Variants in BEND5 observed in about 807,000 individuals in gnomAD.
BEND5 encodes BEN domain-containing protein 5.
In BEND5, 22 loss-of-function variants were observed where a neutral mutation model predicts 43.9. That is an observed-to-expected ratio of 0.50 (90% CI 0.36 to 0.72). BEND5 has a LOEUF of 0.72. Ranked by LOEUF, BEND5 falls within the 30% of genes least tolerant of loss-of-function variation. The pLI is 0.00. For missense variants in BEND5, 428 were observed against 550.6 expected, an observed-to-expected ratio of 0.78 and a Z score of 2.23; for synonymous variants, 228 against 225.9, an observed-to-expected ratio of 1.01 and a Z score of -0.08.
At chr1:48,761,301 C>T in intron 2 of BEND5, 36 bp downstream of exon 2, 1 of 1,528,064 alleles carries the variant, frequency 6.5e-7, no homozygotes. Context: ...TGAAAATGCT[C>T]CAGCATACCT....
intron 1 of BEND5, among the ~76,000 whole-genome samples, chr1:48,765,963 T>C (rs1249696576): frequency 6.6e-6 from 1 of 152,204 alleles, no homozygotes; most frequent in African/African-American, 2.4e-5. Flanking sequence ...TATTTTCTTT[T>C]TGGGTGATAA....
chr1:48,729,107 AT>A (rs150746810), intron 5 of BEND5, among the ~76,000 whole-genome samples: 1 of 150,882 alleles, frequency 6.6e-6, no homozygotes, highest in Non-Finnish European at 1.5e-5. Context: ...ACTACAGAGC[AT>A]TTTTTTTTAA....
intron 5 of BEND5, among the ~76,000 whole-genome samples, chr1:48,733,309 A>G (rs1241521024): frequency 2.0e-5 from 3 of 152,174 alleles, no homozygotes; most frequent in Admixed American, 1.3e-4. Flanking sequence ...ACTGAAATCC[A>G]GAGCCCAGAT....
intron 3 of BEND5, among the ~76,000 whole-genome samples, chr1:48,755,754 T>C (rs1252076731): frequency 9.8e-5 from 15 of 152,334 alleles, no homozygotes; most frequent in Non-Finnish European, 1.5e-5. Flanking sequence ...ACTGGCACTC[T>C]GCGTTTTAAT....
intron 4 of BEND5, among the ~76,000 whole-genome samples, chr1:48,738,816 C>T (rs768537975): frequency 1.2e-4 from 18 of 151,978 alleles, no homozygotes; most frequent in Middle Eastern, 3.2e-3. Flanking sequence ...TTTTTGAGTA[C>T]CTGGTTCACG....
intron 1 of BEND5, among the ~76,000 whole-genome samples, chr1:48,764,986 C>T (rs531337659): frequency 2.6e-5 from 4 of 152,288 alleles, no homozygotes; most frequent in African/African-American, 9.6e-5. Flanking sequence ...CTCATTCCCC[C>T]ACCAGCTATA....
chr1:48,734,522 G>T (rs918790877), intron 5 of BEND5, among the ~76,000 whole-genome samples: 1 of 152,270 alleles, frequency 6.6e-6, no homozygotes, highest in East Asian at 1.9e-4. Flanking sequence ...GCTGCTTACT[G>T]TGGCCTTCCC....
At chr1:48,755,461 A>G (rs1159513228) in intron 3 of BEND5, among the ~76,000 whole-genome samples, 1 of 152,224 alleles carries the variant, frequency 6.6e-6, no homozygotes, top group Non-Finnish European at 1.5e-5. Flanking sequence ...TGAGGTGGAC[A>G]AAAAATGAAA....
At chr1:48,776,023 G>A (rs1645062258) in intron 1 of BEND5, among the ~76,000 whole-genome samples, 1 of 152,196 alleles carries the variant, frequency 6.6e-6, no homozygotes. Context: ...GTGCACTGAG[G>A]TTCATGGCCT....
intron 3 of BEND5, among the ~76,000 whole-genome samples, chr1:48,757,530 C>A (rs541035932): frequency 6.6e-6 from 1 of 152,228 alleles, no homozygotes; most frequent in East Asian, 1.9e-4. Flanking sequence ...AGAGTTGAGA[C>A]AGAACTCTAC....
chr1:48,742,893 T>A, intron 3 of BEND5, 122 bp from the exon 4 acceptor site: 1 of 938,238 alleles, frequency 1.1e-6, no homozygotes, highest in Non-Finnish European at 1.5e-6. Context: ...TTTTGTCCAT[T>A]GAACTACACT....
intron 1 of BEND5, among the ~76,000 whole-genome samples, chr1:48,769,570 CAA>C (rs1491349729): frequency 2.8e-5 from 4 of 142,384 alleles, no homozygotes; most frequent in East Asian, 2.0e-4. Context: ...CACACACACA[CAA>C]GTTAAATTTT....
Position 48,745,319 on chromosome 1 carries a change from A to G in BEND5, c.746-2548T>C, listed in dbSNP as rs138150593. Among the ~76,000 whole-genome samples, 432 of 152,258 alleles carry G rather than the reference A, an allele frequency of 2.8e-3. 5 individuals are homozygous for G. The highest frequency in any genetic ancestry group is 3.7e-3 in the Non-Finnish European group (253 of 68,012). ...TCTGTAATCTTTCTTGGAGTCCGAG[A>G]AGTAGAAATCAGGGCTGTTAAGTTG... On this transcript the variant is annotated intron_variant, in intron 3 of 5. Coordinates refer to ENST00000371833, the MANE Select transcript of BEND5 (RefSeq NM_024603.4).
chr1:48,764,967 A>G (rs965414354), intron 1 of BEND5, among the ~76,000 whole-genome samples: 9 of 152,118 alleles, frequency 5.9e-5, no homozygotes, highest in Non-Finnish European at 1.2e-4. Flanking sequence ...CCATCTGATG[A>G]CAGGAGGCCT....
chr1:48,736,104 G>T lies in BEND5; in HGVS notation c.1108+135C>A. On this transcript the variant is annotated intron_variant, in intron 5 of 5. Coordinates refer to ENST00000371833, the MANE Select transcript of BEND5 (RefSeq NM_024603.4). The surrounding 1 kb of genome is among the most constrained non-coding windows in gnomAD (Gnocchi z 4.0). ...TCTGGGGCATTTGGGTTATCCGCTTGGTGTCCCCGGGCTCAGCCCAGGGTC... is the reference window on the plus strand; with the variant it reads ...TCTGGGGCATTTGGGTTATCCGCTTTGTGTCCCCGGGCTCAGCCCAGGGTC... 1 of 938,542 alleles carries T rather than the reference G, an allele frequency of 1.1e-6. No homozygotes were observed. The highest frequency in any genetic ancestry group is 1.6e-6 in the Non-Finnish European group (1 of 608,352). The allele number at this position is 938,542 out of a possible 1,614,324, so 58.1% of individuals were successfully genotyped here.
At chr1:48,766,722 T>C (rs1322747731) in intron 1 of BEND5, among the ~76,000 whole-genome samples, 1 of 152,208 alleles carries the variant, frequency 6.6e-6, no homozygotes, top group Non-Finnish European at 1.5e-5. Context: ...ATTTCGAGGC[T>C]CCTCTGAGAG....
chr1:48,733,336 C>T (rs1459393418), intron 5 of BEND5, among the ~76,000 whole-genome samples: 1 of 151,974 alleles, frequency 6.6e-6, no homozygotes, highest in Non-Finnish European at 1.5e-5. Context: ...AATCACCAGC[C>T]CCAAATAAGG....
intron 3 of BEND5, among the ~76,000 whole-genome samples, chr1:48,748,688 T>C (rs1479437744): frequency 6.6e-6 from 1 of 152,054 alleles, no homozygotes; most frequent in Non-Finnish European, 1.5e-5. Context: ...AAGGGTGCAA[T>C]GTGATGATCT....
chr1:48,762,717 T>C (rs1644341073), intron 1 of BEND5, among the ~76,000 whole-genome samples: 3 of 151,202 alleles, frequency 2.0e-5, no homozygotes, highest in African/African-American at 7.3e-5. Context: ...GCTTCTCTCC[T>C]ACAACTTGTT....
Sources: allele counts gnomAD v4.1 joint callset (sites outside exome capture counted in the v4.1 genomes callset), GRCh38; gene constraint gnomAD v4.1.1; non-coding constraint Gnocchi (gnomAD v3.1); transcripts MANE v1.5; gene names NCBI Gene and HGNC (gene_info 2026-07-23, HGNC 2026-07-21).